Variants in SLC44A1 observed in about 807,000 individuals in gnomAD.
The protein encoded by SLC44A1 is choline transporter-like protein 1.
SLC44A1 carries 26 observed loss-of-function variants against 79.3 expected under a neutral mutation model. The observed-to-expected ratio is 0.33, with a 90% confidence interval of 0.24 to 0.46. The LOEUF is 0.46. Ranked by LOEUF, SLC44A1 falls within the 20% of genes least tolerant of loss-of-function variation. The pLI, the probability that SLC44A1 is intolerant of heterozygous loss-of-function variation, is 1.00. For synonymous variants in SLC44A1, 263 were observed against 286.2 expected, an observed-to-expected ratio of 0.92 and a Z score of 0.82; for missense variants, 688 against 798.1, an observed-to-expected ratio of 0.86 and a Z score of 1.66.
At chr9:105,319,073 T>A (rs1377823634) in intron 3 of SLC44A1, among the ~76,000 whole-genome samples, 1 of 152,132 alleles carries the variant, frequency 6.6e-6, no homozygotes, top group African/African-American at 2.4e-5. Flanking sequence ...AACTATGAGT[T>A]TGATGGCAAT....
At position 105,361,350 on chromosome 9, in the gene SLC44A1, T is replaced by G; in HGVS notation, c.900+20T>G. On this transcript the variant is annotated intron_variant, in intron 8 of 15. Coordinates refer to ENST00000374720, the MANE Select transcript of SLC44A1 (RefSeq NM_080546.5). The stretch of plus-strand genomic sequence containing the variant: ...TTCACAGTGAGTTTAGGCTTTGGCG[T>G]GTCTTTCGGTTTTGTGTTTTTGTTT... 6.4e-7 allele frequency: 1 copy of G among 1,558,908 alleles called. No individual in the cohort carries two copies. Among genetic ancestry groups the G allele is most frequent in the Non-Finnish European group, 8.6e-7 (1 of 1,156,526 alleles).
At chr9:105,360,902 G>T (rs527288316) in intron 7 of SLC44A1, among the ~76,000 whole-genome samples, 1 of 152,212 alleles carries the variant, frequency 6.6e-6, no homozygotes, top group Middle Eastern at 3.4e-3. Context: ...AGGGGTGTAT[G>T]TTTCTACTGG....
intron 4 of SLC44A1, among the ~76,000 whole-genome samples, chr9:105,335,901 A>G (rs1287239183): frequency 6.6e-6 from 1 of 152,186 alleles, no homozygotes; most frequent in African/African-American, 2.4e-5. Flanking sequence ...CAAAATTCTG[A>G]CTGAGTGGGT....
intron 1 of SLC44A1, among the ~76,000 whole-genome samples, chr9:105,297,802 A>C (rs1830766904): frequency 6.6e-6 from 1 of 152,116 alleles, no homozygotes; most frequent in Non-Finnish European, 1.5e-5. Context: ...ATATATACTA[A>C]TTGTACCAGA....
At chr9:105,330,068 A>G (rs2131348772) in intron 3 of SLC44A1, among the ~76,000 whole-genome samples, 1 of 152,356 alleles carries the variant, frequency 6.6e-6, no homozygotes, top group Non-Finnish European at 1.5e-5. Context: ...GGTCTGGCCC[A>G]GGAGTATACA....
chr9:105,399,154 G>A (rs1451496448), downstream of SLC44A1, among the ~76,000 whole-genome samples: 6 of 152,150 alleles, frequency 3.9e-5, no homozygotes, highest in African/African-American at 1.4e-4. Context: ...CCAATTCCAA[G>A]AAAAATAATT....
chr9:105,350,657 A>C (rs1827377501), intron 5 of SLC44A1, among the ~76,000 whole-genome samples: 1 of 152,122 alleles, frequency 6.6e-6, no homozygotes, highest in African/African-American at 2.4e-5. Context: ...TCTGTTTGTC[A>C]CCTTGAGCAA....
At position 105,348,349 on chromosome 9, in the gene SLC44A1, T is replaced by G; in HGVS notation, c.407-9T>G. The G allele has an allele frequency of 6.5e-7, 1 of 1,543,298 alleles. No homozygotes were observed. Among genetic ancestry groups the G allele is most frequent in the Non-Finnish European group, 8.9e-7 (1 of 1,121,216 alleles). The stretch of plus-strand genomic sequence containing the variant: ...GTTCTGCCACCTAACATAATTTTTC[T>G]TTCAACAGGTTCAGCCCTATGTAGC... On this transcript the variant is annotated splice_polypyrimidine_tract_variant and intron_variant, in intron 4 of 15. Coordinates refer to ENST00000374720, the MANE Select transcript of SLC44A1 (RefSeq NM_080546.5).
At chr9:105,381,223 T>C (rs1828453630) in intron 13 of SLC44A1, among the ~76,000 whole-genome samples, 1 of 151,850 alleles carries the variant, frequency 6.6e-6, no homozygotes, top group Admixed American at 6.6e-5. Context: ...CACTCTAAAA[T>C]TGAAACCAGG....
At chr9:105,279,463 G>T (rs1378955905) in intron 1 of SLC44A1, among the ~76,000 whole-genome samples, 1 of 151,754 alleles carries the variant, frequency 6.6e-6, no homozygotes, top group Non-Finnish European at 1.5e-5. Context: ...GACTACAGCT[G>T]CACACCACCA....
chr9:105,336,361 G>A (rs562609898), intron 4 of SLC44A1, among the ~76,000 whole-genome samples: 1 of 152,210 alleles, frequency 6.6e-6, no homozygotes, highest in African/African-American at 2.4e-5. Flanking sequence ...CAACTTTGAG[G>A]CTAAAGATAG....
At chr9:105,297,194 A>G (rs1278783294) in intron 1 of SLC44A1, among the ~76,000 whole-genome samples, 3 of 152,200 alleles carry the variant, frequency 2.0e-5, no homozygotes, top group Non-Finnish European at 2.9e-5. Flanking sequence ...TGTTCTGTTC[A>G]TAACAATTAT....
chr9:105,398,100 T>C (rs2131496138), downstream of SLC44A1, among the ~76,000 whole-genome samples: 1 of 152,348 alleles, frequency 6.6e-6, no homozygotes, highest in South Asian at 2.1e-4. Flanking sequence ...CTGTGTGGTG[T>C]GCCATCATTT....
At chr9:105,427,503 G>A (rs1022049011) in intron 15 of SLC44A1, among the ~76,000 whole-genome samples, 1 of 151,472 alleles carries the variant, frequency 6.6e-6, no homozygotes, top group Non-Finnish European at 1.5e-5. Flanking sequence ...TCAAACTCCT[G>A]GGCTCAAGCA....
chr9:105,409,859 C>T lies in SLC44A1; in HGVS notation c.1950+24357C>T, dbSNP rs117466994. Among the ~76,000 whole-genome samples the T allele has an allele frequency of 8.6e-3, 1,305 of 152,210 alleles. 35 individuals carry two copies. The highest frequency in any genetic ancestry group is 0.053 in the Admixed American group (808 of 15,282). ...TAGAAGACTTGAAGAGCATCATACA[C>T]CAACTAGACATAATAGACATCTGTA... On this transcript the variant is annotated intron_variant, in intron 15 of 15. Transcript: ENST00000374724.
intron 1 of SLC44A1, among the ~76,000 whole-genome samples, chr9:105,248,479 A>G (rs1173760814): frequency 6.6e-6 from 1 of 152,238 alleles, no homozygotes; most frequent in Non-Finnish European, 1.5e-5. Flanking sequence ...TATTGGCAAA[A>G]TAATTTGTGC....
At chr9:105,244,948 G>A (rs1829391592) in intron 1 of SLC44A1, 44 bp downstream of exon 1, 2 of 1,079,774 alleles carry the variant, frequency 1.9e-6, no homozygotes, top group Non-Finnish European at 2.3e-6. Context: ...GATGCCTCCC[G>A]TGCGCCGCGT....
At chr9:105,387,296 A>G (rs1195579832) in intron 15 of SLC44A1, among the ~76,000 whole-genome samples, 1 of 151,860 alleles carries the variant, frequency 6.6e-6, no homozygotes, top group Admixed American at 6.6e-5. Context: ...TCAAATTTAA[A>G]TGTTTAGAAT....
At chr9:105,318,865 C>T (rs1179056732) in intron 3 of SLC44A1, among the ~76,000 whole-genome samples, 1 of 151,948 alleles carries the variant, frequency 6.6e-6, no homozygotes, top group East Asian at 1.9e-4. Flanking sequence ...GGTTTTTCTC[C>T]GTGTTGTTTG....
Sources: gnomAD v4.1 joint callset for allele counts (sites outside exome capture counted in the v4.1 genomes callset) on GRCh38, gnomAD v4.1.1 for gene constraint, MANE v1.5 for transcripts, NCBI Gene and HGNC (gene_info 2026-07-23, HGNC 2026-07-21) for gene names.